The following CRADD variants were observed in gnomAD, a reference collection of about 807,000 sequenced individuals.
The protein encoded by CRADD is death domain-containing protein CRADD.
Under a neutral mutation model 15.5 loss-of-function variants are expected in CRADD, and 9 were observed. The ratio of observed to expected loss-of-function variants is 0.58; its 90% CI spans 0.35 to 1.01. The LOEUF (loss-of-function observed/expected upper bound fraction) is 1.01, where lower values mean the gene tolerates loss of function less well. Ranked by LOEUF, CRADD falls within the 50% of genes least tolerant of loss-of-function variation. The pLI, the probability that CRADD is intolerant of heterozygous loss-of-function variation, is 0.02. For synonymous variants in CRADD, 118 were observed against 107.6 expected (o/e 1.10, Z -0.60); for missense variants, 227 against 250.3 (o/e 0.91, Z 0.63).
At chr12:93,743,041 A>G (rs889607871) in intron 2 of CRADD, among the ~76,000 whole-genome samples, 1 of 152,216 alleles carries the variant, frequency 6.6e-6, no homozygotes, top group Non-Finnish European at 1.5e-5. Flanking sequence ...ATTTCTGTTT[A>G]GGAACTTGTA....
At chr12:93,881,536 A>G (rs545333742) in intron 2 of CRADD, among the ~76,000 whole-genome samples, 1 of 152,134 alleles carries the variant, frequency 6.6e-6, no homozygotes, top group African/African-American at 2.4e-5. Flanking sequence ...AGAATCATTT[A>G]GAAAGAGGGA....
intron 2 of CRADD, among the ~76,000 whole-genome samples, chr12:93,830,190 G>A (rs1957877522): frequency 1.3e-5 from 2 of 152,094 alleles, no homozygotes; most frequent in African/African-American, 4.8e-5. Flanking sequence ...TCGAATCTTC[G>A]CTGTCACTTA....
At position 93,850,287 on chromosome 12, in the gene CRADD, C is replaced by A; in HGVS notation, c.*16C>A. On this transcript the variant is annotated 3_prime_UTR_variant, in exon 3 of 3. Coordinates refer to ENST00000332896, the MANE Select transcript of CRADD (RefSeq NM_003805.5). This position sits in a 1 kb window ranked among gnomAD's most constrained non-coding sequence, Gnocchi z 4.0. Reference sequence around the variant, plus strand: ...GTTGGAGTGATGGTGCCTCCAGCAACCGCTGGGGAGTGTGTCCCTGAGTCA... The same window carrying A: ...GTTGGAGTGATGGTGCCTCCAGCAAACGCTGGGGAGTGTGTCCCTGAGTCA... The A allele has an allele frequency of 1.3e-6, 2 of 1,577,852 alleles. No homozygotes were observed. The highest frequency in any genetic ancestry group is 1.7e-6 in the Non-Finnish European group (2 of 1,162,208).
intron 2 of CRADD, among the ~76,000 whole-genome samples, chr12:93,723,728 G>A (rs1956304878): frequency 6.6e-6 from 1 of 152,236 alleles, no homozygotes; most frequent in East Asian, 1.9e-4. Flanking sequence ...GAATACAGAA[G>A]TGTTCTCTTG....
chr12:93,889,649 T>C (rs931799885), intron 2 of CRADD, among the ~76,000 whole-genome samples: 28 of 151,960 alleles, frequency 1.8e-4, no homozygotes, highest in African/African-American at 6.8e-4. Flanking sequence ...CAAGCGAGGG[T>C]TGTAAGTCAT....
chr12:93,853,281 G>T (rs1206782433), downstream of CRADD, among the ~76,000 whole-genome samples: 1 of 152,018 alleles, frequency 6.6e-6, no homozygotes, highest in Non-Finnish European at 1.5e-5. Flanking sequence ...ACTAAATTAA[G>T]TTTTCAATTT....
intron 2 of CRADD, among the ~76,000 whole-genome samples, chr12:93,768,174 C>T (rs1039074121): frequency 7.9e-5 from 12 of 152,088 alleles, no homozygotes; most frequent in African/African-American, 2.9e-4. Flanking sequence ...GAGTTGTTGC[C>T]ACTAAAATTA....
At chr12:93,740,945 G>A (rs572502895) in intron 2 of CRADD, among the ~76,000 whole-genome samples, 2 of 152,196 alleles carry the variant, frequency 1.3e-5, no homozygotes, top group East Asian at 3.9e-4. Flanking sequence ...TTTCTCTGTG[G>A]CCTTTGAGCC....
chr12:93,799,397 A>G (rs1219470492), intron 2 of CRADD, among the ~76,000 whole-genome samples: 1 of 152,204 alleles, frequency 6.6e-6, no homozygotes, highest in Non-Finnish European at 1.5e-5. Flanking sequence ...ATAGAAATGC[A>G]CCAGGAGTTT....
intron 2 of CRADD, among the ~76,000 whole-genome samples, chr12:93,748,957 A>G (rs1487257922): frequency 1.3e-5 from 2 of 152,222 alleles, no homozygotes; most frequent in Non-Finnish European, 2.9e-5. Flanking sequence ...CAGCTATTCT[A>G]GGATTGACAT....
chr12:93,759,337 G>A (rs1956924387), intron 2 of CRADD, among the ~76,000 whole-genome samples: 1 of 151,910 alleles, frequency 6.6e-6, no homozygotes, highest in Non-Finnish European at 1.5e-5. Context: ...AAAAAGAGTT[G>A]CATATATGAA....
chr12:93,825,541 G>T (rs1957814272), intron 2 of CRADD, among the ~76,000 whole-genome samples: 2 of 152,202 alleles, frequency 1.3e-5, no homozygotes, highest in Non-Finnish European at 1.5e-5. Context: ...ACTGGAAGGG[G>T]CTGTGTTGGA....
intron 2 of CRADD, among the ~76,000 whole-genome samples, chr12:93,741,417 A>G (rs537313362): frequency 6.6e-6 from 1 of 152,364 alleles, no homozygotes; most frequent in East Asian, 1.9e-4. Context: ...TAAGGATTAT[A>G]GCGTCCTTTC....
intron 2 of CRADD, 31 bp from the exon 3 acceptor site, chr12:93,849,939 C>T (rs377059852): frequency 5.2e-6 from 7 of 1,340,442 alleles, no homozygotes; most frequent in Non-Finnish European, 7.5e-6. Flanking sequence ...TTGCCTTGCT[C>T]ATTTCACCGG....
intron 2 of CRADD, chr12:93,733,741 G>GTT (rs746205656): frequency 1.3e-4 from 18 of 137,264 alleles, no homozygotes; most frequent in Non-Finnish European, 1.9e-4. Flanking sequence ...TCCATCCTTT[G>GTT]TTTTTTTTTT....
At chr12:93,866,045 T>G (rs775150604) in intron 2 of CRADD, among the ~76,000 whole-genome samples, 2 of 152,192 alleles carry the variant, frequency 1.3e-5, no homozygotes, top group Non-Finnish European at 2.9e-5. Context: ...GTCTAACCAA[T>G]TTTTCCCTCT....
At chr12:93,680,026 A>G (rs1003535732) in intron 2 of CRADD, among the ~76,000 whole-genome samples, 1 of 152,136 alleles carries the variant, frequency 6.6e-6, no homozygotes, top group Admixed American at 6.5e-5. Context: ...GTCTCAGTTT[A>G]ATTTGAAGGA....
At chr12:93,791,895 A>ATTT (rs34088777) in intron 2 of CRADD, among the ~76,000 whole-genome samples, 1 of 137,200 alleles carries the variant, frequency 7.3e-6, no homozygotes, top group Admixed American at 7.2e-5. Context: ...GTCCTAATGG[A>ATTT]TTTTTTTTTT....
intron 2 of CRADD, among the ~76,000 whole-genome samples, chr12:93,683,483 C>T (rs1372430066): frequency 6.6e-6 from 1 of 152,248 alleles, no homozygotes; most frequent in East Asian, 1.9e-4. Context: ...ACTCTTGAGC[C>T]TGTTGGAATG....
Sources: allele counts gnomAD v4.1 joint callset (sites outside exome capture counted in the v4.1 genomes callset), GRCh38; gene constraint gnomAD v4.1.1; non-coding constraint Gnocchi (gnomAD v3.1); transcripts MANE v1.5; gene names NCBI Gene and HGNC (gene_info 2026-07-23, HGNC 2026-07-21).